The following MARCHF1 variants were observed in gnomAD, a reference collection of about 807,000 sequenced individuals.
MARCHF1 encodes membrane associated ring-CH-type finger 1.
Under a neutral mutation model 54.2 loss-of-function variants are expected in MARCHF1, and 40 were observed. The ratio of observed to expected loss-of-function variants is 0.74; its 90% CI spans 0.57 to 0.96. The LOEUF (loss-of-function observed/expected upper bound fraction) is 0.96, where lower values mean the gene tolerates loss of function less well. MARCHF1 is among the 40% of genes least tolerant of loss of function. The probability of loss-of-function intolerance (pLI) is 0.00; values close to 1 mark genes in which losing one functional copy is unlikely to be tolerated. For missense variants in MARCHF1, 586 were observed against 656.5 expected, an observed-to-expected ratio of 0.89 and a Z score of 1.17; for synonymous variants, 236 against 236.3, an observed-to-expected ratio of 1.00 and a Z score of 0.01.
intron 2 of MARCHF1, among the ~76,000 whole-genome samples, chr4:164,049,078 C>A (rs567666280): frequency 1.3e-5 from 2 of 152,182 alleles, no homozygotes; most frequent in African/African-American, 4.8e-5. Context: ...TATAAAGATA[C>A]TACCTGAGAA....
intron 1 of MARCHF1, among the ~76,000 whole-genome samples, chr4:164,324,947 G>A (rs557544010): frequency 3.3e-5 from 5 of 151,274 alleles, no homozygotes; most frequent in East Asian, 1.9e-4. Flanking sequence ...AAAATGATAC[G>A]GAAGTTCATA....
At chr4:164,328,107 A>T (rs1554001693) in intron 1 of MARCHF1, among the ~76,000 whole-genome samples, 1 of 151,732 alleles carries the variant, frequency 6.6e-6, no homozygotes, top group Non-Finnish European at 1.5e-5. Context: ...TGGATCTTGA[A>T]TTTTTTTTTA....
chr4:164,363,753 A>G (rs187443928), intron 1 of MARCHF1, among the ~76,000 whole-genome samples: 345 of 116,532 alleles, frequency 3.0e-3, no homozygotes, highest in Non-Finnish European at 4.2e-3. Flanking sequence ...TTAACATTAC[A>G]TTATTAATAA....
chr4:164,196,769 A>T (rs4691962), intron 1 of MARCHF1, among the ~76,000 whole-genome samples: 57,523 of 151,952 alleles, frequency 0.38, 12,312 homozygotes, highest in Non-Finnish European at 0.49. Flanking sequence ...ATATTATTTT[A>T]TTTGGCAGTA....
intron 1 of MARCHF1, among the ~76,000 whole-genome samples, chr4:164,219,487 C>T (rs1242751843): frequency 1.3e-5 from 2 of 152,032 alleles, no homozygotes; most frequent in Non-Finnish European, 2.9e-5. Flanking sequence ...AATTATAAAA[C>T]TTGAAATTCC....
At chr4:164,316,605 A>G (rs1051036385) in intron 1 of MARCHF1, among the ~76,000 whole-genome samples, 2 of 152,202 alleles carry the variant, frequency 1.3e-5, no homozygotes, top group African/African-American at 4.8e-5. Flanking sequence ...AACACTCCTA[A>G]AAGAGTGAGG....
At chr4:163,637,112 C>CT (rs1198495439) in intron 5 of MARCHF1, among the ~76,000 whole-genome samples, 1 of 151,202 alleles carries the variant, frequency 6.6e-6, no homozygotes, top group Non-Finnish European at 1.5e-5. Flanking sequence ...GGATTAAAGA[C>CT]TTAAGCGTTA....
At chr4:164,134,312 T>C (rs1756357566) in intron 1 of MARCHF1, among the ~76,000 whole-genome samples, 1 of 152,202 alleles carries the variant, frequency 6.6e-6, no homozygotes, top group South Asian at 2.1e-4. Context: ...AAAACTCAGG[T>C]AATTTTCATT....
At chr4:164,318,828 TA>T (rs985278455) in intron 1 of MARCHF1, among the ~76,000 whole-genome samples, 2 of 152,154 alleles carry the variant, frequency 1.3e-5, no homozygotes, top group African/African-American at 2.4e-5. Flanking sequence ...GTACTTGTTA[TA>T]AAAAAATTGA....
At chr4:164,038,026 G>A (rs1310375384) in intron 2 of MARCHF1, among the ~76,000 whole-genome samples, 2 of 152,096 alleles carry the variant, frequency 1.3e-5, no homozygotes, top group South Asian at 2.1e-4. Context: ...GCACCATGAG[G>A]GAGCTTTGTT....
chr4:164,176,939 GCGCTCTCTCTCT>G (rs1375313676), intron 1 of MARCHF1, among the ~76,000 whole-genome samples: 643 of 53,648 alleles, frequency 0.012, 16 homozygotes, highest in African/African-American at 0.037. Flanking sequence ...AGTACCTTGT[GCGCTCTCTCTCT>G]CTCTCTCTCT....
intron 1 of MARCHF1, among the ~76,000 whole-genome samples, chr4:164,340,494 A>C (rs1266474783): frequency 1.4e-5 from 2 of 147,002 alleles, no homozygotes; most frequent in Non-Finnish European, 3.0e-5. Context: ...CAGCAGTGCA[A>C]TCTTGGCTCA....
chr4:163,602,982 C>T (rs1454219549), intron 7 of MARCHF1, among the ~76,000 whole-genome samples: 2 of 152,014 alleles, frequency 1.3e-5, no homozygotes, highest in East Asian at 3.9e-4. Flanking sequence ...ATTAGAGACT[C>T]TGAAAAGAAT....
At chr4:164,220,287 CAT>C (rs150321953) in intron 1 of MARCHF1, among the ~76,000 whole-genome samples, 28,099 of 145,264 alleles carry the variant, frequency 0.19, 3,083 homozygotes, top group Admixed American at 0.31. Context: ...TAATGGAATT[CAT>C]ATATATATAT....
At chr4:163,536,037 G>A (rs1167236973) in intron 9 of MARCHF1, among the ~76,000 whole-genome samples, 1 of 152,104 alleles carries the variant, frequency 6.6e-6, no homozygotes, top group Non-Finnish European at 1.5e-5. Flanking sequence ...ATAGTGCTGA[G>A]GTTGAGAATC....
intron 3 of MARCHF1, among the ~76,000 whole-genome samples, chr4:163,926,599 CAT>C (rs958185324): frequency 5.3e-5 from 8 of 151,586 alleles, no homozygotes; most frequent in Admixed American, 5.3e-4. Flanking sequence ...CCCAACATAC[CAT>C]ATGAGAATTC....
rs553131420 is a variant in MARCHF1, at chr4:163,898,716, TAA to T, written c.-38-44549_-38-44548del. 2.9e-3 allele frequency among the ~76,000 whole-genome samples: 442 copies of T among 152,174 alleles called. 1 individual carries two copies. The highest frequency in any genetic ancestry group is 9.6e-3 in the African/African-American group (397 of 41,510). On this transcript the variant is annotated intron_variant, in intron 3 of 9. Coordinates refer to ENST00000514618, the MANE Select transcript of MARCHF1 (RefSeq NM_001394959.1). Reference sequence around the variant, plus strand: ...ACCCAATGGAAAAGAAATCATTACATAAAAAAGACACCTGCACTTGTATATTC... The same window carrying T: ...ACCCAATGGAAAAGAAATCATTACATAAAAGACACCTGCACTTGTATATTC...
intron 3 of MARCHF1, among the ~76,000 whole-genome samples, chr4:163,883,763 A>G (rs1750471317): frequency 6.6e-6 from 1 of 151,854 alleles, no homozygotes; most frequent in African/African-American, 2.4e-5. Context: ...GGTGTCTTGT[A>G]TTTTTTTGCT....
intron 5 of MARCHF1, among the ~76,000 whole-genome samples, chr4:163,672,061 A>G (rs1455053113): frequency 6.6e-6 from 1 of 152,182 alleles, no homozygotes; most frequent in Non-Finnish European, 1.5e-5. Context: ...TACAAAGAGG[A>G]CTAAGAGTGC....
Sources: allele counts gnomAD v4.1 joint callset (sites outside exome capture counted in the v4.1 genomes callset), GRCh38; gene constraint gnomAD v4.1.1; transcripts MANE v1.5; gene names NCBI Gene and HGNC (gene_info 2026-07-23, HGNC 2026-07-21).